The following SCARA3 variants were observed in gnomAD, a reference collection of about 807,000 sequenced individuals.
SCARA3 encodes cellular stress response gene protein.
A neutral mutation model predicts 47.0 loss-of-function variants in SCARA3; 39 were observed. That is an observed-to-expected ratio of 0.83 (90% CI 0.64 to 1.08). The LOEUF is 1.08. SCARA3 is among the 50% of genes least tolerant of loss of function. SCARA3 has a pLI of 0.00. For synonymous variants in SCARA3, 356 were observed against 334.1 expected, an observed-to-expected ratio of 1.07 and a Z score of -0.71; for missense variants, 724 against 792.3, an observed-to-expected ratio of 0.91 and a Z score of 1.04.
downstream of SCARA3, among the ~76,000 whole-genome samples, chr8:27,679,526 CA>C (rs1164790092): frequency 1.3e-5 from 2 of 151,932 alleles, no homozygotes; most frequent in Admixed American, 1.3e-4. Flanking sequence ...ACAACAGCAA[CA>C]AAAAAATTTA....
intron 1 of SCARA3, among the ~76,000 whole-genome samples, chr8:27,638,046 A>G (rs1801293586): frequency 6.6e-6 from 1 of 151,996 alleles, no homozygotes; most frequent in African/African-American, 2.4e-5. Context: ...ATCCTCAAAC[A>G]TCGGCCCCAC....
At chr8:27,656,659 C>T (rs1801750047) in intron 3 of SCARA3, 123 bp from the exon 4 acceptor site, 1 of 679,528 alleles carries the variant, frequency 1.5e-6, no homozygotes, top group Admixed American at 2.2e-5. Flanking sequence ...ATGAAGAAGC[C>T]TGAGAGAAGA....
chr8:27,638,314 T>TTGTTTGTG (rs1801301816), intron 1 of SCARA3, among the ~76,000 whole-genome samples: 1 of 146,620 alleles, frequency 6.8e-6, no homozygotes. Context: ...AATTTAGTGA[T>TTGTTTGTG]TGTGTGTGTG....
At chr8:27,727,948 C>G in the SCARA3 span, among the ~76,000 whole-genome samples, 1 of 152,180 alleles carries the variant, frequency 6.6e-6, no homozygotes, top group Non-Finnish European at 1.5e-5. Context: ...CTCTTCCAAT[C>G]CTACTACACC....
chr8:27,722,188 G>C, the SCARA3 span, among the ~76,000 whole-genome samples: 1 of 152,132 alleles, frequency 6.6e-6, no homozygotes, highest in Non-Finnish European at 1.5e-5. Flanking sequence ...TTCGATTGTG[G>C]TTTCTATTTG....
intron 3 of SCARA3, among the ~76,000 whole-genome samples, chr8:27,653,603 G>GTGTGTGT (rs1801681139): frequency 1.4e-5 from 2 of 147,410 alleles, no homozygotes; most frequent in Non-Finnish European, 1.5e-5. Flanking sequence ...GTGTGTGTAT[G>GTGTGTGT]GTGTATGTGT....
Position 27,651,523 on chromosome 8 carries a change from G to T in SCARA3, c.122G>T (p.Arg41Leu), listed in dbSNP as rs537525785. The T allele has an allele frequency of 6.2e-7, 1 of 1,612,692 alleles. No homozygotes were observed. The highest frequency in any genetic ancestry group is 8.5e-7 in the Non-Finnish European group (1 of 1,179,974). Residue 41 changes from arginine (R) to leucine (L), a missense_variant, in exon 3 of 6, where the codon CGC becomes CTC. Coordinates refer to ENST00000301904, the MANE Select transcript of SCARA3 (RefSeq NM_016240.3). ...PCTQKGRPGP[R>L]CSRCQKNLSL... Reference sequence around the variant, plus strand: ...TCCCCCACAGGCCGGCCAGGGCCCCGCTGCAGCCGCTGCCAGAAGAACCTA... The same window carrying T: ...TCCCCCACAGGCCGGCCAGGGCCCCTCTGCAGCCGCTGCCAGAAGAACCTA...
At chr8:27,651,684 G>A in intron 3 of SCARA3, 57 bp downstream of exon 3, 1 of 1,596,720 alleles carries the variant, frequency 6.3e-7, no homozygotes, top group Non-Finnish European at 8.5e-7. Context: ...CAGGGATCCA[G>A]CACCAAAAGT....
chr8:27,662,026 A>C (rs1417445297), intron 5 of SCARA3, among the ~76,000 whole-genome samples: 1 of 152,202 alleles, frequency 6.6e-6, no homozygotes, highest in Non-Finnish European at 1.5e-5. Context: ...AAGGAGCTCA[A>C]AGTGGCCAGG....
At chr8:27,689,855 G>T in the SCARA3 span, among the ~76,000 whole-genome samples, 86 of 152,154 alleles carry the variant, frequency 5.7e-4, 3 homozygotes, top group Non-Finnish European at 6.3e-4. Flanking sequence ...TGGGCACGGT[G>T]GCTCAAGCTG....
chr8:27,636,825 C>G (rs1457581453), intron 1 of SCARA3, among the ~76,000 whole-genome samples: 1 of 152,184 alleles, frequency 6.6e-6, no homozygotes, highest in Non-Finnish European at 1.5e-5. Context: ...CCGGGAAGAG[C>G]CGCCCCTCTA....
chr8:27,714,193 C>CTTTTTTTTTTTTTTTT, the SCARA3 span, among the ~76,000 whole-genome samples: 14 of 114,126 alleles, frequency 1.2e-4, no homozygotes, highest in East Asian at 4.8e-4. Context: ...TCAGGTATTC[C>CTTTTTTTTTTTTTTTT]TTTTTTTTTT....
At chr8:27,714,395 A>G in the SCARA3 span, among the ~76,000 whole-genome samples, 1 of 151,870 alleles carries the variant, frequency 6.6e-6, no homozygotes, top group African/African-American at 2.4e-5. Context: ...GGATTTCACC[A>G]TCTTGGGCAG....
Position 27,672,078 on chromosome 8 carries a change from G to C in SCARA3, c.*727G>C, listed in dbSNP as rs1409274535. On this transcript the variant is annotated 3_prime_UTR_variant, in exon 6 of 6. Transcript: ENST00000301904. The stretch of plus-strand genomic sequence containing the variant: ...CTGCCAAAACTCCAGAGGCAAAGTG[G>C]ACCTGGCAACCACAAGACCCTCCCC... 5.1e-6 allele frequency: 5 copies of C among 985,312 alleles called. No individual in the cohort carries two copies. The highest frequency in any genetic ancestry group is 4.7e-5 in the South Asian group (1 of 21,296). 61.0% of individuals were successfully genotyped at this position (985,312 alleles called of 1,614,324 possible).
downstream of SCARA3, chr8:27,676,526 C>T (rs1802279888): frequency 6.2e-7 from 1 of 1,606,150 alleles, no homozygotes; most frequent in Non-Finnish European, 8.5e-7. Context: ...GAGGAACAAA[C>T]TATTAAATAT....
chr8:27,651,544 A>C lies in SCARA3; in HGVS notation c.143A>C (p.Asn48Thr). The change falls in exon 3 of 6, where the codon AAC (asparagine) becomes ACC (threonine). Residue 48 changes from asparagine to threonine, a missense_variant. Coordinates refer to ENST00000301904, the MANE Select transcript of SCARA3 (RefSeq NM_016240.3). ...PGPRCSRCQKNLSLHTSVRIL... is the reference protein window; with the variant it reads ...PGPRCSRCQKTLSLHTSVRIL... ...CCCCGCTGCAGCCGCTGCCAGAAGA[A>C]CCTATCTTTGCACACATCGGTGCGG... 1 of 1,613,786 alleles carries C rather than the reference A, an allele frequency of 6.2e-7. No homozygotes were observed. The highest frequency in any genetic ancestry group is 8.5e-7 in the Non-Finnish European group (1 of 1,179,990).
chr8:27,669,180 G>A (rs1802087561), intron 5 of SCARA3, among the ~76,000 whole-genome samples: 1 of 152,198 alleles, frequency 6.6e-6, no homozygotes, highest in African/African-American at 2.4e-5. Flanking sequence ...CAGGGAGGAG[G>A]GAGTGGCAGG....
the SCARA3 span, among the ~76,000 whole-genome samples, chr8:27,682,664 A>C: frequency 4.6e-5 from 7 of 152,200 alleles, no homozygotes; most frequent in Non-Finnish European, 7.4e-5. Context: ...AAGGAAATGC[A>C]AATTAAAACC....
At chr8:27,670,172 A>G (rs534328943) in intron 5 of SCARA3, among the ~76,000 whole-genome samples, 14 of 152,266 alleles carry the variant, frequency 9.2e-5, no homozygotes, top group African/African-American at 3.1e-4. Context: ...CTTCAAGCAC[A>G]TACTGAGTTT....
Sources: gnomAD v4.1 joint callset for allele counts (sites outside exome capture counted in the v4.1 genomes callset) on GRCh38, gnomAD v4.1.1 for gene constraint, MANE v1.5 for transcripts, NCBI Gene and HGNC (gene_info 2026-07-23, HGNC 2026-07-21) for gene names.